CDK13: variants seen among roughly 807,000 people sequenced by gnomAD.
The protein encoded by CDK13 is cyclin dependent kinase 13.
CDK13 carries 40 observed loss-of-function variants against 137.6 expected under a neutral mutation model. The ratio of observed to expected loss-of-function variants is 0.29; its 90% CI spans 0.23 to 0.38. CDK13 has a LOEUF of 0.38. Ranked by LOEUF, CDK13 falls within the 10% of genes least tolerant of loss-of-function variation. The pLI, the probability that CDK13 is intolerant of heterozygous loss-of-function variation, is 1.00. For missense variants in CDK13, 1,704 were observed against 1,951.8 expected, an observed-to-expected ratio of 0.87 and a Z score of 2.39; for synonymous variants, 869 against 760.1, an observed-to-expected ratio of 1.14 and a Z score of -2.36.
rs543547794 is a variant in CDK13, at chr7:39,972,272, A to G, written c.1212-15327A>G. On this transcript the variant is annotated intron_variant, in intron 1 of 13. Transcript: ENST00000181839. ...GGAAGTGTATTTTTAGAATAAACAC[A>G]AAACATTTCAGTTTTATGTTATCTT... Among the ~76,000 whole-genome samples, 47 of 152,370 alleles carry G rather than the reference A, an allele frequency of 3.1e-4. No homozygotes were observed. The South Asian group carries it at 9.1e-3, about 30-fold the overall frequency.
intron 1 of CDK13, among the ~76,000 whole-genome samples, chr7:39,976,319 T>TCACACACACACACACACA (rs1320736487): frequency 1.8e-5 from 1 of 54,288 alleles, no homozygotes; most frequent in Admixed American, 2.0e-4. Flanking sequence ...TCTCTCTCTC[T>TCACACACACACACACACA]CTCTCACACA....
At position 40,094,769 on chromosome 7, in the gene CDK13, C is replaced by G. The variant is rs1476999185; in HGVS notation, c.4328C>G (p.Pro1443Arg). ...PIAVLANSSDPSTGPESTHPL... is the reference protein window; with the variant it reads ...PIAVLANSSDRSTGPESTHPL... Reference sequence around the variant, plus strand: ...GCAGTCCTGGCAAACAGCAGTGACCCTTCCACGGGGCCAGAGAGTACTCAT... The same window carrying G: ...GCAGTCCTGGCAAACAGCAGTGACCGTTCCACGGGGCCAGAGAGTACTCAT... The change falls in exon 14 of 14, where the codon CCT becomes CGT. Residue 1443 changes from proline to arginine, a missense_variant. Pro to Arg is a moderately radical substitution (Grantham distance 103). Coordinates refer to ENST00000181839, the MANE Select transcript of CDK13 (RefSeq NM_003718.5). 6.2e-7 allele frequency: 1 copy of G among 1,612,428 alleles called. No individual in the cohort carries two copies. The highest frequency in any genetic ancestry group is 8.5e-7 in the Non-Finnish European group (1 of 1,179,192).
intron 11 of CDK13, among the ~76,000 whole-genome samples, chr7:40,083,142 G>A (rs193074369): frequency 6.6e-5 from 10 of 151,284 alleles, no homozygotes; most frequent in African/African-American, 2.4e-4. Flanking sequence ...GACCTTCTAG[G>A]TGTTAAGATT....
At chr7:39,988,638 T>C (rs908354455) in intron 2 of CDK13, among the ~76,000 whole-genome samples, 5 of 152,234 alleles carry the variant, frequency 3.3e-5, no homozygotes, top group African/African-American at 1.2e-4. Context: ...GTCTCATTTA[T>C]TTCTAAGTTT....
chr7:39,950,303 C>T lies in CDK13; in HGVS notation c.-339C>T. 5.5e-6 allele frequency: 6 copies of T among 1,099,738 alleles called. No individual in the cohort carries two copies. The highest frequency in any genetic ancestry group is 6.6e-6 in the Non-Finnish European group (6 of 903,710). The allele number at this position is 1,099,738 out of a possible 1,614,324, so 68.1% of individuals were successfully genotyped here. ...GCCGAGAGCGCGGCCAAGGCCGCTC[C>T]CCCACCCCCGGGGGCACTTGGAGGA... On this transcript the variant is annotated 5_prime_UTR_variant, in exon 1 of 14. Transcript: ENST00000181839.
At chr7:40,084,058 G>T (rs955625856) in intron 11 of CDK13, among the ~76,000 whole-genome samples, 5 of 152,086 alleles carry the variant, frequency 3.3e-5, no homozygotes, top group African/African-American at 1.2e-4. Flanking sequence ...TCGGAAATAG[G>T]CTGGGCACGG....
intron 9 of CDK13, chr7:40,069,349 A>G (rs1264881366): frequency 8.8e-6 from 4 of 455,930 alleles, no homozygotes; most frequent in Non-Finnish European, 1.8e-5. Context: ...AAATCTGACT[A>G]TAATGAGGCA....
At chr7:40,084,648 A>G (rs2150541228) in intron 11 of CDK13, among the ~76,000 whole-genome samples, 1 of 152,378 alleles carries the variant, frequency 6.6e-6, no homozygotes, top group African/African-American at 2.4e-5. Flanking sequence ...ATCAGTTGCC[A>G]TTAGAATGAA....
At chr7:39,963,667 T>C (rs1783802151) in intron 1 of CDK13, among the ~76,000 whole-genome samples, 2 of 152,188 alleles carry the variant, frequency 1.3e-5, no homozygotes, top group African/African-American at 2.4e-5. Context: ...CTATGTTGAA[T>C]AGTAGTGGTG....
chr7:39,959,866 G>A (rs930103603), intron 1 of CDK13, among the ~76,000 whole-genome samples: 5 of 143,672 alleles, frequency 3.5e-5, no homozygotes, highest in African/African-American at 1.0e-4. Context: ...TGCGGCATTA[G>A]CAAGTATTTT....
At position 40,094,751 on chromosome 7, in the gene CDK13, T is replaced by C. The variant is rs1787008122; in HGVS notation, c.4310T>C (p.Leu1437Pro). The change falls in exon 14 of 14, where the codon CTG becomes CCG. Residue 1437 changes from leucine to proline, a missense_variant. Leu to Pro is a moderately conservative substitution (Grantham distance 98). This residue lies in a region of CDK13 where 475 missense variants were observed against 579.3 expected (regional missense o/e 0.82). Transcript: ENST00000181839. ...FEYSHGPIAV[L>P]ANSSDPSTGP... ...TATAGCCATGGTCCTATTGCAGTCC[T>C]GGCAAACAGCAGTGACCCTTCCACG... 1 of 1,613,760 alleles carries C rather than the reference T, an allele frequency of 6.2e-7. No homozygotes were observed. The highest frequency in any genetic ancestry group is 8.5e-7 in the Non-Finnish European group (1 of 1,179,880).
chr7:40,068,717 A>G (rs1562758335), intron 9 of CDK13, among the ~76,000 whole-genome samples: 2 of 150,554 alleles, frequency 1.3e-5, no homozygotes, highest in African/African-American at 2.4e-5. Context: ...GAAAAAAAAA[A>G]AAAAAAAAAA....
chr7:39,990,751 A>G (rs1247261641), intron 2 of CDK13, among the ~76,000 whole-genome samples: 1 of 152,202 alleles, frequency 6.6e-6, no homozygotes, highest in East Asian at 1.9e-4. Context: ...TTCATGGGTG[A>G]AAATATTTAC....
chr7:40,091,931 C>T (rs891707572), intron 12 of CDK13, among the ~76,000 whole-genome samples: 3 of 152,040 alleles, frequency 2.0e-5, no homozygotes, highest in Non-Finnish European at 2.9e-5. Flanking sequence ...TGAGCCTTGT[C>T]GTTATATGTG....
At chr7:40,013,151 G>A (rs1052460638) in intron 5 of CDK13, among the ~76,000 whole-genome samples, 1 of 152,096 alleles carries the variant, frequency 6.6e-6, no homozygotes, top group Non-Finnish European at 1.5e-5. Context: ...AGTGAAATAA[G>A]CCAGTCACAA....
At chr7:40,022,830 G>A (rs1372218692) in intron 5 of CDK13, among the ~76,000 whole-genome samples, 1 of 151,392 alleles carries the variant, frequency 6.6e-6, no homozygotes, top group East Asian at 1.9e-4. Context: ...TAGATCCATA[G>A]GAAGAAAGTT....
At chr7:40,049,315 G>C (rs1785826918) in intron 7 of CDK13, 1 of 151,192 alleles carries the variant, frequency 6.6e-6, no homozygotes, top group African/African-American at 2.4e-5. Context: ...CCAGTCCTCT[G>C]TACCAACTTT....
chr7:40,089,727 T>A lies in CDK13; in HGVS notation c.3235+1396T>A, dbSNP rs924052955. ...GAGAGAGAGAGAGAGAGAGAGAGTG[T>A]GTGTGTGTGTGTGTGTGTGTGTGTG... is the stretch of plus-strand genomic sequence containing the variant. On this transcript the variant is annotated intron_variant, in intron 12 of 13. Transcript: ENST00000181839. 3.7e-3 allele frequency among the ~76,000 whole-genome samples: 458 copies of A among 123,786 alleles called. 2 individuals are homozygous for A. Among genetic ancestry groups the A allele is most frequent in the Middle Eastern group, 0.017 (4 of 236 alleles). The allele number at this position is 123,786 out of a possible 152,430, so 81.2% of individuals were successfully genotyped here.
At chr7:39,999,540 A>G (rs760256500) in intron 4 of CDK13, 40 bp downstream of exon 4, 1 of 1,548,060 alleles carries the variant, frequency 6.5e-7, no homozygotes, top group South Asian at 1.2e-5. Flanking sequence ...GGCCTACGGA[A>G]TGTACTTAGT....
Sources: gnomAD v4.1 joint callset for allele counts (sites outside exome capture counted in the v4.1 genomes callset) on GRCh38, gnomAD v4.1.1 for gene constraint, gnomAD v4.1.1 regional missense constraint, MANE v1.5 for transcripts, NCBI Gene and HGNC (gene_info 2026-07-23, HGNC 2026-07-21) for gene names.